The following ELP5 variants were observed in gnomAD, a reference collection of about 807,000 sequenced individuals.
The protein encoded by ELP5 is elongator acetyltransferase complex subunit 5.
Under a neutral mutation model 33.4 loss-of-function variants are expected in ELP5, and 34 were observed. The observed-to-expected ratio is 1.02, with a 90% CI of 0.78 to 1.36. ELP5 has a LOEUF of 1.36. Ranked by LOEUF, ELP5 falls within the 40% of genes most tolerant of loss-of-function variation. ELP5 has a pLI of 0.00. For missense variants in ELP5, 373 were observed against 371.7 expected, an observed-to-expected ratio of 1.00 and a Z score of -0.03; for synonymous variants, 161 against 146.4, an observed-to-expected ratio of 1.10 and a Z score of -0.72.
Position 7,252,801 on chromosome 17 carries a change from G to C in ELP5, c.78G>C (p.Leu26Phe). 2 of 1,614,234 alleles carry C rather than the reference G, an allele frequency of 1.2e-6. No homozygotes were observed. The highest frequency in any genetic ancestry group is 1.3e-5 in the African/African-American group (1 of 75,054). Residue 26 changes from leucine (L) to phenylalanine (F), a missense_variant, in exon 2 of 8, where the codon TTG becomes TTC. Coordinates refer to ENST00000396628, the MANE Select transcript of ELP5 (RefSeq NM_203414.3). ...TGGAGTGGGAGGGGCGCAGTCTCTT[G>C]AAGGCGCTTGTCAAGAAATCTGCAC... ...DSVEWEGRSL[L>F]KALVKKSALC...
intron 3 of ELP5, among the ~76,000 whole-genome samples, chr17:7,253,339 G>A (rs558512200): frequency 6.6e-6 from 1 of 152,328 alleles, no homozygotes; most frequent in East Asian, 1.9e-4. Flanking sequence ...TACTGGAGAC[G>A]GCAGTGAGTG....
At chr17:7,253,121 G>A in intron 3 of ELP5, 123 bp downstream of exon 3, 1 of 951,892 alleles carries the variant, frequency 1.1e-6, no homozygotes, top group Non-Finnish European at 1.7e-6. Flanking sequence ...TGAAGAATTG[G>A]ATATGGATCT....
chr17:7,252,799 T>C lies in ELP5; in HGVS notation c.76T>C (p.Leu26=). 1 of 1,614,222 alleles carries C rather than the reference T, an allele frequency of 6.2e-7. No individual in the cohort carries two copies. Among genetic ancestry groups the C allele is most frequent in the Non-Finnish European group, 8.5e-7 (1 of 1,180,034 alleles). ...CGTGGAGTGGGAGGGGCGCAGTCTC[T>C]TGAAGGCGCTTGTCAAGAAATCTGC... The part of the protein sequence containing the change: ...DSVEWEGRSL[L]KALVKKSALC... The change falls in exon 2 of 8, where the codon TTG becomes CTG. Residue 26 remains leucine, a synonymous_variant. Transcript: ENST00000396628.
At position 7,252,778 on chromosome 17, in the gene ELP5, G is replaced by A. The variant is rs753875340; in HGVS notation, c.55G>A (p.Glu19Lys). Reference sequence around the variant, plus strand: ...CGTCCCTCGCTCTGCAGATTCCGTGGAGTGGGAGGGGCGCAGTCTCTTGAA... The same window carrying A: ...CGTCCCTCGCTCTGCAGATTCCGTGAAGTGGGAGGGGCGCAGTCTCTTGAA... ...GGLVLLRDSV[E>K]WEGRSLLKAL... The change falls in exon 2 of 8, where the codon GAG becomes AAG. Residue 19 changes from glutamate (E) to lysine (K), a missense_variant. Transcript: ENST00000396628. The A allele has an allele frequency of 6.2e-6, 10 of 1,614,024 alleles. No individual in the cohort carries two copies. The highest frequency in any genetic ancestry group is 8.5e-6 in the Non-Finnish European group (10 of 1,179,964).
intron 4 of ELP5, 109 bp downstream of exon 4, chr17:7,254,912 T>C (rs2072040300): frequency 2.4e-6 from 2 of 839,110 alleles, no homozygotes; most frequent in African/African-American, 1.9e-5. Flanking sequence ...AGTCAGACCT[T>C]TTTTCATTTT....
At position 7,256,858 on chromosome 17, in the gene ELP5, T is replaced by C. The variant is rs1453995989; in HGVS notation, c.411T>C (p.Gly137=). Residue 137 remains glycine, a splice_region_variant and synonymous_variant, in exon 5 of 8, where the codon GGT becomes GGC. Coordinates refer to ENST00000396628, the MANE Select transcript of ELP5 (RefSeq NM_203414.3). The part of the protein sequence containing the change: ...HAVSHQDSCP[G]DSSSVGKVSV... ...CCTACATTTCTTGTCCTCCTCTAGG[T>C]GACAGCTCCTCAGTGGGGAAAGTGA... 2 of 1,614,196 alleles carry C rather than the reference T, an allele frequency of 1.2e-6. No individual in the cohort carries two copies. Among genetic ancestry groups the C allele is most frequent in the East Asian group, 4.5e-5 (2 of 44,892 alleles).
chr17:7,254,868 C>G, intron 4 of ELP5, 65 bp downstream of exon 4: 1 of 1,403,758 alleles, frequency 7.1e-7, no homozygotes, highest in Non-Finnish European at 1.0e-6. Flanking sequence ...TGCCCCTTTT[C>G]CTTTCTACCC....
In ELP5 at chr17:7,254,171, C is replaced by T. The variant is rs868865396; in HGVS notation, c.189-412C>T. Reference sequence around the variant, plus strand: ...CTGTTCTACAGGCAGGACCAAATCTCACGTCCTCTGCTTTCTCTTTTTTCA... The same window carrying T: ...CTGTTCTACAGGCAGGACCAAATCTTACGTCCTCTGCTTTCTCTTTTTTCA... On this transcript the variant is annotated intron_variant, in intron 3 of 7. Transcript: ENST00000396628. Among the ~76,000 whole-genome samples, 29 of 152,316 alleles carry T rather than the reference C, an allele frequency of 1.9e-4. No individual in the cohort carries two copies. In the Middle Eastern group the frequency reaches 0.01, roughly 54 times the overall value.
intron 5 of ELP5, 50 bp from the exon 6 acceptor site, chr17:7,258,538 T>C (rs2072130113): frequency 1.3e-6 from 2 of 1,575,866 alleles, no homozygotes; most frequent in Non-Finnish European, 1.7e-6. Context: ...CTGGAGTCTG[T>C]CTAGTTTCTT....
In ELP5 at chr17:7,254,705, C is replaced by T. The variant is rs1282040717; in HGVS notation, c.311C>T (p.Thr104Ile). The change falls in exon 4 of 8, where the codon ACC becomes ATC. Residue 104 changes from threonine (T) to isoleucine (I), a missense_variant. Transcript: ENST00000396628. ...MCKRTDPVPV[T>I]IALDSLSWLL... ...AAGAGGACAGATCCTGTTCCTGTCA[C>T]CATTGCTCTCGATTCACTCAGCTGG... is the stretch of plus-strand genomic sequence containing the variant. 7 of 1,614,016 alleles carry T rather than the reference C, an allele frequency of 4.3e-6. No individual in the cohort carries two copies. In the Admixed American group the frequency reaches 1.2e-4, roughly 27 times the overall value.
intron 4 of ELP5, 138 bp downstream of exon 4, chr17:7,254,941 T>G (rs1024725124): frequency 5.3e-5 from 7 of 133,314 alleles, no homozygotes; most frequent in Admixed American, 1.8e-4. Context: ...TTTTGTCTGT[T>G]TTTTTTTTTT....
Position 7,252,777 on chromosome 17 carries a change from GGA to G in ELP5, c.56_57del (p.Glu19ValfsTer27). The G allele has an allele frequency of 6.2e-7, 1 of 1,614,232 alleles. No individual in the cohort carries two copies. Among genetic ancestry groups the G allele is most frequent in the Non-Finnish European group, 8.5e-7 (1 of 1,180,040 alleles). ...GGLVLLRDSV[E>X]WEGRSLLKAL... is the part of the protein sequence containing the mutation. Reference sequence around the variant, plus strand: ...CCGTCCCTCGCTCTGCAGATTCCGTGGAGTGGGAGGGGCGCAGTCTCTTGAAG... The same window carrying G: ...CCGTCCCTCGCTCTGCAGATTCCGTGGTGGGAGGGGCGCAGTCTCTTGAAG... On this transcript the variant is annotated frameshift_variant, in exon 2 of 8. Transcript: ENST00000396628. LOFTEE classifies it high-confidence loss of function.
At chr17:7,251,986 C>T (rs1438151950), upstream of ELP5, 3 of 180,132 alleles carry the variant, frequency 1.7e-5, no homozygotes, top group Admixed American at 1.1e-4. Flanking sequence ...CTCCCTCTTC[C>T]TGTCTTTCCC....
At position 7,252,216 on chromosome 17, in the gene ELP5, C is replaced by G. The variant is rs1308302291; in HGVS notation, c.-335C>G. 7.0e-6 allele frequency: 3 copies of G among 431,142 alleles called. No individual in the cohort carries two copies. The highest frequency in any genetic ancestry group is 6.1e-5 in the African/African-American group (3 of 49,018). 26.7% of individuals were successfully genotyped at this position (431,142 alleles called of 1,614,324 possible). A position where few individuals can be genotyped will look rare whatever the true frequency, so the allele number is the denominator to read the frequency against. On this transcript the variant is annotated 5_prime_UTR_variant, in exon 1 of 8. Transcript: ENST00000396628. ...TGCGTGGGCGGGGAGAGTGACGTCA[C>G]TTGGCCCGCGCTTAGGGCCCTCGCG...
chr17:7,253,134 C>T (rs561151375), intron 3 of ELP5, 136 bp downstream of exon 3: 4 of 803,472 alleles, frequency 5.0e-6, no homozygotes. Flanking sequence ...ATGGATCTTT[C>T]AGGAGGCAAG....
chr17:7,257,079 G>C (rs1206381291), intron 5 of ELP5, 41 bp downstream of exon 5: 1 of 1,503,622 alleles, frequency 6.7e-7, no homozygotes, highest in Non-Finnish European at 8.8e-7. Flanking sequence ...ACGGGGGACA[G>C]AGAAAGGGGT....
chr17:7,257,700 G>A (rs759618702), intron 5 of ELP5, among the ~76,000 whole-genome samples: 27 of 152,164 alleles, frequency 1.8e-4, no homozygotes, highest in Non-Finnish European at 3.2e-4. Context: ...GTCTCCCAAA[G>A]TGCTGGGATT....
At position 7,259,091 on chromosome 17, in the gene ELP5, A is replaced by C. The variant is rs558635353; in HGVS notation, c.788+165A>C. ...ATCCACCCATTCCCCCTATAATGGC[A>C]GAGGACCTTTATGTCTCTTTTCTCT... On this transcript the variant is annotated intron_variant, in intron 7 of 7. Coordinates refer to ENST00000396628, the MANE Select transcript of ELP5 (RefSeq NM_203414.3). 2.1e-6 allele frequency: 3 copies of C among 1,456,478 alleles called. No individual in the cohort carries two copies. The Admixed American group carries it at 8.1e-5, about 39-fold the overall frequency. The allele number at this position is 1,456,478 out of a possible 1,614,324, so 90.2% of individuals were successfully genotyped here.
At chr17:7,257,360 A>G (rs2072100788) in intron 5 of ELP5, among the ~76,000 whole-genome samples, 1 of 151,918 alleles carries the variant, frequency 6.6e-6, no homozygotes, top group Non-Finnish European at 1.5e-5. Flanking sequence ...GCTATGGTTA[A>G]GGTAGATTGT....
Sources: gnomAD v4.1 joint callset for allele counts (sites outside exome capture counted in the v4.1 genomes callset) on GRCh38, gnomAD v4.1.1 for gene constraint, MANE v1.5 for transcripts, NCBI Gene and HGNC (gene_info 2026-07-23, HGNC 2026-07-21) for gene names.